RALGPS1: variants seen among roughly 807,000 people sequenced by gnomAD.
The protein encoded by RALGPS1 is ras-specific guanine nucleotide-releasing factor RalGPS1.
A neutral mutation model predicts 78.8 loss-of-function variants in RALGPS1; 19 were observed. The observed-to-expected ratio is 0.24, with a 90% CI of 0.17 to 0.35. The LOEUF is 0.35. Among genes scored for constraint, RALGPS1 ranks in the 10% least tolerant of loss-of-function variants. RALGPS1 has a pLI of 1.00. For synonymous variants in RALGPS1, 228 were observed against 256.3 expected, an observed-to-expected ratio of 0.89 and a Z score of 1.06; for missense variants, 454 against 688.3, an observed-to-expected ratio of 0.66 and a Z score of 3.81.
At chr9:127,127,416 T>C (rs1438144515) in intron 8 of RALGPS1, among the ~76,000 whole-genome samples, 2 of 152,206 alleles carry the variant, frequency 1.3e-5, no homozygotes, top group Non-Finnish European at 2.9e-5. Context: ...CCCAATGAAT[T>C]TGTTTTCTCA....
chr9:126,971,444 A>G (rs1234172876), intron 3 of RALGPS1, among the ~76,000 whole-genome samples: 2 of 152,194 alleles, frequency 1.3e-5, no homozygotes, highest in Non-Finnish European at 2.9e-5. Context: ...CAAATGACAT[A>G]TACAGGAAAT....
chr9:127,212,341 T>G lies in RALGPS1; in HGVS notation c.1353+105T>G. 1.2e-6 allele frequency: 1 copy of G among 845,128 alleles called. No individual in the cohort carries two copies. The highest frequency in any genetic ancestry group is 1.8e-6 in the Non-Finnish European group (1 of 547,588). 52.4% of individuals were successfully genotyped at this position (845,128 alleles called of 1,614,324 possible). On this transcript the variant is annotated intron_variant, in intron 15 of 18. Coordinates refer to ENST00000259351, the MANE Select transcript of RALGPS1 (RefSeq NM_014636.3). The surrounding 1 kb of genome is among the most constrained non-coding windows in gnomAD (Gnocchi z 6.0). Reference sequence around the variant, plus strand: ...AAAGTCACATGCATGGCAGAGGCTCTGCTTGCAGTGGGCATGCAGCGAGCT... The same window carrying G: ...AAAGTCACATGCATGGCAGAGGCTCGGCTTGCAGTGGGCATGCAGCGAGCT...
chr9:126,928,173 C>CTG (rs2035474641), intron 1 of RALGPS1, among the ~76,000 whole-genome samples: 1 of 152,128 alleles, frequency 6.6e-6, no homozygotes, highest in Non-Finnish European at 1.5e-5. Context: ...ATCTGTGATC[C>CTG]ATTGTGTGTG....
At chr9:126,939,092 G>A (rs2036526161) in intron 1 of RALGPS1, among the ~76,000 whole-genome samples, 1 of 152,220 alleles carries the variant, frequency 6.6e-6, no homozygotes. Flanking sequence ...GAGGGGGGCA[G>A]AGGGTCTGCA....
chr9:127,110,232 C>G (rs893437463), intron 8 of RALGPS1, among the ~76,000 whole-genome samples: 1 of 152,196 alleles, frequency 6.6e-6, no homozygotes, highest in African/African-American at 2.4e-5. Context: ...AGACAGGATC[C>G]CCTGTCTGTT....
chr9:127,053,561 A>G (rs2048471179), intron 7 of RALGPS1, among the ~76,000 whole-genome samples: 1 of 152,208 alleles, frequency 6.6e-6, no homozygotes, highest in Admixed American at 6.5e-5. Context: ...TCCATAGCTC[A>G]TTAGCATTCA....
intron 4 of RALGPS1, among the ~76,000 whole-genome samples, chr9:127,028,200 C>G (rs889467336): frequency 6.6e-6 from 1 of 152,216 alleles, no homozygotes; most frequent in Non-Finnish European, 1.5e-5. Context: ...GAAGCCTGCC[C>G]AGGTTCTGCT....
intron 11 of RALGPS1, among the ~76,000 whole-genome samples, chr9:127,181,422 G>A (rs908284875): frequency 6.6e-6 from 1 of 152,144 alleles, no homozygotes; most frequent in Non-Finnish European, 1.5e-5. Flanking sequence ...GCAGCCTCAT[G>A]CATTGAGGAA....
At chr9:126,980,420 A>T (rs1006894576) in intron 4 of RALGPS1, among the ~76,000 whole-genome samples, 4 of 152,184 alleles carry the variant, frequency 2.6e-5, no homozygotes, top group African/African-American at 9.7e-5. Flanking sequence ...TAAAAAAATT[A>T]CAAATGCCTA....
chr9:127,128,905 G>A lies in RALGPS1; in HGVS notation c.611-37164G>A, dbSNP rs144866461. 2.1e-3 allele frequency among the ~76,000 whole-genome samples: 316 copies of A among 152,310 alleles called. 4 individuals carry two copies. Among genetic ancestry groups the A allele is most frequent in the Admixed American group, 7.2e-3 (110 of 15,304 alleles). The stretch of plus-strand genomic sequence containing the variant: ...GCTGGCCAAACAAGTATATCCAAAA[G>A]TCATAACAGGATGCATGCTTGGGTA... On this transcript the variant is annotated intron_variant, in intron 8 of 18. Coordinates refer to ENST00000259351, the MANE Select transcript of RALGPS1 (RefSeq NM_014636.3).
At chr9:126,991,366 CTT>C (rs2042268278) in intron 4 of RALGPS1, among the ~76,000 whole-genome samples, 2 of 152,148 alleles carry the variant, frequency 1.3e-5, no homozygotes. Flanking sequence ...TGATCCAACA[CTT>C]TGCAACTTCG....
At chr9:127,184,205 G>A in intron 11 of RALGPS1, 1 of 687,284 alleles carries the variant, frequency 1.5e-6, no homozygotes, top group Non-Finnish European at 2.4e-6. Context: ...CGTGCCTACA[G>A]CCCCAGCTCC....
At chr9:127,197,558 T>C (rs1016046926) in intron 13 of RALGPS1, among the ~76,000 whole-genome samples, 6 of 151,982 alleles carry the variant, frequency 3.9e-5, no homozygotes, top group African/African-American at 1.2e-4. Context: ...CATGTCTCTG[T>C]GAAAGCAAGT....
chr9:126,981,385 C>T (rs548004573), intron 4 of RALGPS1, among the ~76,000 whole-genome samples: 12 of 152,304 alleles, frequency 7.9e-5, no homozygotes, highest in South Asian at 2.1e-4. Context: ...GAGTTTCTGG[C>T]GCTTGTCTGG....
chr9:127,108,062 C>A (rs775369803), intron 8 of RALGPS1: 1 of 1,611,408 alleles, frequency 6.2e-7, no homozygotes, highest in Admixed American at 1.7e-5. Context: ...GGTTGGTAGA[C>A]CCGGGGCGGG....
chr9:126,969,457 T>C (rs1324014355), intron 3 of RALGPS1, among the ~76,000 whole-genome samples: 1 of 152,218 alleles, frequency 6.6e-6, no homozygotes, highest in Non-Finnish European at 1.5e-5. Flanking sequence ...ACATGCTCAG[T>C]AGCCACATGT....
intron 7 of RALGPS1, among the ~76,000 whole-genome samples, chr9:127,058,461 C>A (rs150987509): frequency 6.6e-6 from 1 of 151,916 alleles, no homozygotes; most frequent in Non-Finnish European, 1.5e-5. Context: ...AATTCAGGAG[C>A]AAGGGGATGT....
intron 5 of RALGPS1, among the ~76,000 whole-genome samples, chr9:127,039,366 T>C (rs930565988): frequency 5.3e-5 from 8 of 152,168 alleles, no homozygotes; most frequent in Admixed American, 2.0e-4. Flanking sequence ...CCTTTGATTT[T>C]AGCAGCAAGG....
chr9:127,211,243 G>T lies in RALGPS1; in HGVS notation c.1248-888G>T, dbSNP rs1341613906. On this transcript the variant is annotated intron_variant, in intron 14 of 18. Coordinates refer to ENST00000259351, the MANE Select transcript of RALGPS1 (RefSeq NM_014636.3). This position sits in a 1 kb window ranked among gnomAD's most constrained non-coding sequence, Gnocchi z 5.0. ...GCTCAGATCTTAAAAGCGACAGGAA[G>T]CCATGAAAGGGGCTTGCTGTGGGCA... Among the ~76,000 whole-genome samples, 1 of 152,158 alleles carries T rather than the reference G, an allele frequency of 6.6e-6. No individual in the cohort carries two copies. Among genetic ancestry groups the T allele is most frequent in the East Asian group, 1.9e-4 (1 of 5,196 alleles).
Sources: gnomAD v4.1 joint callset for allele counts (sites outside exome capture counted in the v4.1 genomes callset) on GRCh38, gnomAD v4.1.1 for gene constraint, Gnocchi (gnomAD v3.1) non-coding constraint, MANE v1.5 for transcripts, NCBI Gene and HGNC (gene_info 2026-07-23, HGNC 2026-07-21) for gene names.